The following ADAP1 variants were observed in gnomAD, a reference collection of about 807,000 sequenced individuals.
ADAP1 encodes ArfGAP with dual PH domains 1, also known as arf-GAP with dual PH domain-containing protein 1.
A neutral mutation model predicts 54.9 loss-of-function variants in ADAP1; 31 were observed. The observed-to-expected ratio is 0.56, with a 90% CI of 0.42 to 0.76. ADAP1 has a LOEUF of 0.76. ADAP1 is among the 30% of genes least tolerant of loss of function. The pLI is 0.00. For synonymous variants in ADAP1, 313 were observed against 202.6 expected (o/e 1.55, Z -4.63); for missense variants, 535 against 512.4 (o/e 1.04, Z -0.42).
At chr7:912,503 C>A (rs1845764791) in intron 4 of ADAP1, among the ~76,000 whole-genome samples, 1 of 152,166 alleles carries the variant, frequency 6.6e-6, no homozygotes, top group Admixed American at 6.5e-5. Flanking sequence ...GGTGGGGGAG[C>A]CCTGCTGGCT....
chr7:905,493 AGGGAGAAGGGAGAAG>A (rs1845147743), intron 4 of ADAP1: 1 of 6,852 alleles, frequency 1.5e-4, no homozygotes, highest in Non-Finnish European at 2.8e-4. Context: ...AGAAAGGAGA[AGGGAGAAGGGAGAAG>A]GGAGAAGGGA....
intron 1 of ADAP1, among the ~76,000 whole-genome samples, chr7:952,550 G>A (rs944321106): frequency 2.6e-5 from 4 of 152,172 alleles, no homozygotes; most frequent in African/African-American, 7.2e-5. Flanking sequence ...GGTCATGGGG[G>A]GCTAGGCAGC....
chr7:929,467 G>C (rs1025319888), intron 2 of ADAP1, among the ~76,000 whole-genome samples: 4 of 148,698 alleles, frequency 2.7e-5, no homozygotes, highest in Non-Finnish European at 5.9e-5. Flanking sequence ...GATCGCTTGA[G>C]CCTGGGAGTT....
intron 4 of ADAP1, among the ~76,000 whole-genome samples, chr7:910,335 G>A (rs58357889): frequency 6.6e-6 from 1 of 151,298 alleles, no homozygotes; most frequent in Non-Finnish European, 1.5e-5. Flanking sequence ...CTGCAGCCTT[G>A]ACCTTCCGGG....
intron 4 of ADAP1, among the ~76,000 whole-genome samples, chr7:917,886 T>A (rs1286763408): frequency 6.6e-6 from 1 of 152,102 alleles, no homozygotes; most frequent in Non-Finnish European, 1.5e-5. Context: ...TCCTCCCGCC[T>A]CAGTCTCCCA....
intron 2 of ADAP1, chr7:927,047 C>T (rs1269657319): frequency 7.8e-7 from 1 of 1,274,916 alleles, no homozygotes; most frequent in East Asian, 5.4e-5. Flanking sequence ...ACCCAGCTCC[C>T]CAGCTCACAT....
chr7:910,873 G>A (rs35127825), intron 4 of ADAP1, among the ~76,000 whole-genome samples: 6,120 of 152,230 alleles, frequency 0.04, 438 homozygotes, highest in East Asian at 0.27. Context: ...CTGGCTTCCG[G>A]CCTTTGGGTC....
chr7:944,165 C>T (rs1296417238), intron 1 of ADAP1, among the ~76,000 whole-genome samples: 1 of 152,134 alleles, frequency 6.6e-6, no homozygotes. Flanking sequence ...AGTCCTTCCA[C>T]CTCAGCCTCC....
At position 900,667 on chromosome 7, in the gene ADAP1, G is replaced by GGTCCCCACAGAGGGGCTGGT. The variant is rs772062437; in HGVS notation, c.649-52_649-51insACCAGCCCCTCTGTGGGGAC. 1.3e-3 allele frequency: 1,784 copies of GGTCCCCACAGAGGGGCTGGT among 1,373,490 alleles called. 11 individuals carry two copies. Among genetic ancestry groups the GGTCCCCACAGAGGGGCTGGT allele is most frequent in the Non-Finnish European group, 1.7e-3 (1,678 of 995,678 alleles). 85.1% of individuals were successfully genotyped at this position (1,373,490 alleles called of 1,614,324 possible). On this transcript the variant is annotated intron_variant, in intron 6 of 10. Transcript: ENST00000265846. ...TGGGCTGAGGAGGCTGCAGCGCTGG[G>GGTCCCCACAGAGGGGCTGGT]GTCCCCACAGAGGGGCTGGGGTCCC... is the stretch of plus-strand genomic sequence containing the variant.
Position 904,222 on chromosome 7 carries a change from G to A in ADAP1, c.552C>T (p.Phe184=), listed in dbSNP as rs1844974058. Residue 184 remains phenylalanine (F), a synonymous_variant, in exon 6 of 11, where the codon TTC becomes TTT. Coordinates refer to ENST00000265846, the MANE Select transcript of ADAP1 (RefSeq NM_006869.4). ...VMKIEHLNAT[F]QPAKIGHPHG... is the part of the protein sequence containing the mutation. ...GGGGGTGGCCGATCTTGGCCGGCTGGAAGGTGGCGTTCAGGTGCTCGATCT... is the reference window on the plus strand; with the variant it reads ...GGGGGTGGCCGATCTTGGCCGGCTGAAAGGTGGCGTTCAGGTGCTCGATCT... The A allele has an allele frequency of 1.2e-6, 2 of 1,610,916 alleles. No homozygotes were observed. The highest frequency in any genetic ancestry group is 2.2e-5 in the East Asian group (1 of 44,758).
chr7:943,031 G>GA (rs1251732034), intron 1 of ADAP1, among the ~76,000 whole-genome samples: 6 of 19,812 alleles, frequency 3.0e-4, no homozygotes, highest in Admixed American at 3.6e-4. Context: ...GAGGAAGGGA[G>GA]GAGGAGGAAG....
At chr7:940,375 A>C (rs1294395504) in intron 1 of ADAP1, among the ~76,000 whole-genome samples, 2 of 142,246 alleles carry the variant, frequency 1.4e-5, no homozygotes, top group Non-Finnish European at 3.0e-5. Flanking sequence ...CACACACACA[A>C]TATGGAGACA....
intron 4 of ADAP1, chr7:905,567 A>AGAAAGG (rs1562912297): frequency 7.0e-3 from 69 of 9,848 alleles, no homozygotes; most frequent in South Asian, 0.013. Flanking sequence ...AGGAGAAAGG[A>AGAAAGG]GAAAGGAGAA....
intron 4 of ADAP1, among the ~76,000 whole-genome samples, chr7:908,146 G>C (rs770444795): frequency 6.6e-6 from 1 of 152,152 alleles, no homozygotes; most frequent in Non-Finnish European, 1.5e-5. Flanking sequence ...ACAGGGACGC[G>C]AGGGGGCTGT....
chr7:923,957 G>A (rs1430222173), intron 3 of ADAP1, among the ~76,000 whole-genome samples: 2 of 152,096 alleles, frequency 1.3e-5, no homozygotes, highest in East Asian at 1.9e-4. Flanking sequence ...CAGGCTGGAC[G>A]TTTGGGCCCC....
chr7:955,384 C>G (rs1847360199), upstream of ADAP1: 2 of 1,550,214 alleles, frequency 1.3e-6, no homozygotes, highest in Non-Finnish European at 1.7e-6. Flanking sequence ...TGCAGTACAC[C>G]CGGCTGAAAA....
At chr7:921,767 A>G (rs950499574) in intron 3 of ADAP1, among the ~76,000 whole-genome samples, 1 of 152,208 alleles carries the variant, frequency 6.6e-6, no homozygotes, top group African/African-American at 2.4e-5. Flanking sequence ...CCCCAGGGTC[A>G]CACAGCGGCC....
chr7:949,082 C>G (rs1242567214), intron 1 of ADAP1, among the ~76,000 whole-genome samples: 2 of 152,246 alleles, frequency 1.3e-5, no homozygotes, highest in Admixed American at 6.5e-5. Flanking sequence ...CACCAAGGAA[C>G]AGCAGATGCT....
chr7:925,421 C>G (rs1846348532), intron 3 of ADAP1, among the ~76,000 whole-genome samples: 1 of 151,556 alleles, frequency 6.6e-6, no homozygotes, highest in African/African-American at 2.4e-5. Context: ...CCGGGAAGTC[C>G]GTCCTTCCTC....
Sources: allele counts gnomAD v4.1 joint callset (sites outside exome capture counted in the v4.1 genomes callset), GRCh38; gene constraint gnomAD v4.1.1; transcripts MANE v1.5; gene names NCBI Gene and HGNC (gene_info 2026-07-23, HGNC 2026-07-21).